Variants in PPP1R12A observed in about 807,000 individuals in gnomAD.
PPP1R12A encodes myosin binding subunit.
Under a neutral mutation model 139.6 loss-of-function variants are expected in PPP1R12A, and 19 were observed. The observed-to-expected ratio is 0.14, with a 90% CI of 0.09 to 0.20. The LOEUF (loss-of-function observed/expected upper bound fraction) is 0.20, where lower values mean the gene tolerates loss of function less well. Among genes scored for constraint, PPP1R12A ranks in the 10% least tolerant of loss-of-function variants. The pLI is 1.00. For synonymous variants in PPP1R12A, 427 were observed against 420.6 expected (o/e 1.02, Z -0.19); for missense variants, 925 against 1,211.5 (o/e 0.76, Z 3.51).
chr12:79,821,921 G>A (rs1876165483), intron 6 of PPP1R12A, among the ~76,000 whole-genome samples, 195 bp downstream of exon 6: 1 of 152,028 alleles, frequency 6.6e-6, no homozygotes, highest in African/African-American at 2.4e-5. Flanking sequence ...AGAAGGGGAG[G>A]AAATAGAAAT....
intron 1 of PPP1R12A, among the ~76,000 whole-genome samples, chr12:79,895,023 A>G (rs1304196060): frequency 6.6e-6 from 1 of 152,208 alleles, no homozygotes; most frequent in Non-Finnish European, 1.5e-5. Flanking sequence ...ACTTCTCCCT[A>G]GTAAAATAAA....
intron 9 of PPP1R12A, among the ~76,000 whole-genome samples, chr12:79,815,943 TG>T (rs1296743667): frequency 1.3e-5 from 2 of 151,696 alleles, no homozygotes; most frequent in Non-Finnish European, 2.9e-5. Context: ...CTGCCTTCCT[TG>T]GGAAGTTTGA....
chr12:79,885,338 A>G (rs1884007680), intron 1 of PPP1R12A, among the ~76,000 whole-genome samples: 1 of 152,128 alleles, frequency 6.6e-6, no homozygotes, highest in Non-Finnish European at 1.5e-5. Flanking sequence ...ACCTGTCAAA[A>G]AGTTAAACAC....
intron 11 of PPP1R12A, among the ~76,000 whole-genome samples, chr12:79,808,096 A>G (rs956648854): frequency 8.6e-5 from 13 of 151,720 alleles, no homozygotes; most frequent in Middle Eastern, 3.2e-3. Flanking sequence ...CTATAAGCTG[A>G]AAAACAGGAA....
At chr12:79,916,205 G>T (rs572237278) in intron 1 of PPP1R12A, among the ~76,000 whole-genome samples, 1 of 151,006 alleles carries the variant, frequency 6.6e-6, no homozygotes, top group African/African-American at 2.5e-5. Flanking sequence ...CAACAAATGT[G>T]TATGTAAATT....
chr12:79,906,572 G>C (rs1886135907), intron 1 of PPP1R12A, among the ~76,000 whole-genome samples: 1 of 151,932 alleles, frequency 6.6e-6, no homozygotes, highest in African/African-American at 2.4e-5. Flanking sequence ...ATTGCTTATT[G>C]TACACAAAGT....
intron 2 of PPP1R12A, among the ~76,000 whole-genome samples, chr12:79,867,157 C>G (rs1483055104): frequency 6.6e-6 from 1 of 152,184 alleles, no homozygotes; most frequent in Non-Finnish European, 1.5e-5. Flanking sequence ...AGGATGAGTT[C>G]ATGTCCTTTC....
chr12:79,779,681 G>A (rs1319566728), intron 23 of PPP1R12A: 1 of 259,134 alleles, frequency 3.9e-6, no homozygotes, highest in East Asian at 8.5e-5. Flanking sequence ...AGCACATAAA[G>A]TGTCATATTT....
In PPP1R12A at chr12:79,797,355, A is replaced by T; in HGVS notation, c.2132T>A (p.Ile711Lys). 1 of 1,602,546 alleles carries T rather than the reference A, an allele frequency of 6.2e-7. No individual in the cohort carries two copies. The highest frequency in any genetic ancestry group is 8.5e-7 in the Non-Finnish European group (1 of 1,174,812). The stretch of plus-strand genomic sequence containing the variant: ...GGTTCGGGTAGAACGACTTCTTCCT[A>T]TTGTTTTCTCAGCTTCTTGAAGATC... ...LTDLQEAEKT[I>K]GRSRSTRTRE... The change falls in exon 16 of 25, where the codon ATA becomes AAA. Residue 711 changes from isoleucine (I) to lysine (K), a missense_variant. This residue lies in a region of PPP1R12A where 315 missense variants were observed against 363.4 expected (regional missense o/e 0.87). Coordinates refer to ENST00000450142, the MANE Select transcript of PPP1R12A (RefSeq NM_002480.3).
chr12:79,783,286 C>T (rs541670162), intron 22 of PPP1R12A, among the ~76,000 whole-genome samples: 3 of 124,242 alleles, frequency 2.4e-5, no homozygotes, highest in South Asian at 2.6e-4. Flanking sequence ...GGTGAAACCC[C>T]GTCTCTACCA....
At chr12:79,780,293 C>G (rs970107918) in intron 23 of PPP1R12A, 2 of 151,024 alleles carry the variant, frequency 1.3e-5, no homozygotes, top group East Asian at 3.9e-4. Flanking sequence ...TAATTTTGTG[C>G]CTGCTTGATA....
At chr12:79,890,905 C>CACACACACACACACA (rs1491145335) in intron 1 of PPP1R12A, among the ~76,000 whole-genome samples, 2 of 115,682 alleles carry the variant, frequency 1.7e-5, no homozygotes, top group African/African-American at 7.2e-5. Context: ...CCACACCCAC[C>CACACACACACACACA]CACACACACA....
chr12:79,819,350 T>A (rs778453639), intron 8 of PPP1R12A: 2 of 152,224 alleles, frequency 1.3e-5, no homozygotes, highest in Non-Finnish European at 2.9e-5. Context: ...TAAGGTCTCT[T>A]GTTTGTTTTA....
At chr12:79,917,753 G>C (rs1163158883) in intron 1 of PPP1R12A, among the ~76,000 whole-genome samples, 1 of 152,008 alleles carries the variant, frequency 6.6e-6, no homozygotes. Context: ...AAGGTGTTAG[G>C]TTTCTTAGTT....
intron 1 of PPP1R12A, among the ~76,000 whole-genome samples, chr12:79,917,101 G>A (rs936476645): frequency 2.0e-5 from 3 of 151,990 alleles, no homozygotes; most frequent in Admixed American, 6.6e-5. Context: ...TTTTTAAAGC[G>A]AGAAAAACTT....
rs1281430135 is a variant in PPP1R12A, at chr12:79,778,235, CTTA to C, written c.3006+312_3006+314del. 1.7e-5 allele frequency: 3 copies of C among 177,020 alleles called. No individual in the cohort carries two copies. The Admixed American group carries it at 1.8e-4, about 11-fold the overall frequency. 11.0% of individuals were successfully genotyped at this position (177,020 alleles called of 1,614,324 possible). A position where few individuals can be genotyped will look rare whatever the true frequency, so the allele number is the denominator to read the frequency against. On this transcript the variant is annotated intron_variant, in intron 24 of 24. Coordinates refer to ENST00000450142, the MANE Select transcript of PPP1R12A (RefSeq NM_002480.3). Reference sequence around the variant, plus strand: ...AAAGAATAAATAATAAATCCTACATCTTATTATTATTGTCTAACTTTTTCTATA... The same window carrying C: ...AAAGAATAAATAATAAATCCTACATCTTATTATTGTCTAACTTTTTCTATA...
chr12:79,837,109 A>C (rs1472371024), intron 3 of PPP1R12A, among the ~76,000 whole-genome samples: 1 of 152,186 alleles, frequency 6.6e-6, no homozygotes, highest in Non-Finnish European at 1.5e-5. Context: ...GTTTTAAAAG[A>C]AAAAAATCTT....
intron 1 of PPP1R12A, among the ~76,000 whole-genome samples, chr12:79,909,956 T>C (rs1592814946): frequency 6.6e-6 from 1 of 151,742 alleles, no homozygotes; most frequent in South Asian, 2.1e-4. Flanking sequence ...CGCCTTAGCC[T>C]CCCAAAGTGC....
At position 79,872,911 on chromosome 12, in the gene PPP1R12A, C is replaced by G. The variant is rs756487410; in HGVS notation, c.265G>C (p.Val89Leu). The change falls in exon 2 of 25, where the codon GTG (valine) becomes CTG (leucine). Residue 89 changes from valine (V) to leucine (L), a missense_variant. Transcript: ENST00000450142. ...GCTCCATTTTCTACCAGAAACTTCA[C>G]CATATCAACATTGTCATCAATGCAA... ...QACIDDNVDMVKFLVENGANI... is the reference protein window; with the variant it reads ...QACIDDNVDMLKFLVENGANI... 3 of 1,613,190 alleles carry G rather than the reference C, an allele frequency of 1.9e-6. No homozygotes were observed. Among genetic ancestry groups the G allele is most frequent in the Non-Finnish European group, 2.5e-6 (3 of 1,179,620 alleles).
Sources: gnomAD v4.1 joint callset for allele counts (sites outside exome capture counted in the v4.1 genomes callset) on GRCh38, gnomAD v4.1.1 for gene constraint, gnomAD v4.1.1 regional missense constraint, MANE v1.5 for transcripts, NCBI Gene and HGNC (gene_info 2026-07-23, HGNC 2026-07-21) for gene names.